CAST: variants seen among roughly 807,000 people sequenced by gnomAD.
The protein encoded by CAST is MIR583 host.
CAST carries 76 observed loss-of-function variants against 119.6 expected under a neutral mutation model. That is an observed-to-expected ratio of 0.64 (90% CI 0.53 to 0.77). The LOEUF (loss-of-function observed/expected upper bound fraction) is 0.77. Ranked by LOEUF, CAST falls within the 30% of genes least tolerant of loss-of-function variation. CAST has a pLI of 0.00. For synonymous variants in CAST, 319 were observed against 331.6 expected (o/e 0.96, Z 0.41); for missense variants, 953 against 946.5 (o/e 1.01, Z -0.09).
At chr5:96,400,948 G>T in the CAST span, among the ~76,000 whole-genome samples, 3 of 151,252 alleles carry the variant, frequency 2.0e-5, no homozygotes, top group Admixed American at 1.3e-4. Context: ...TTAGCCGGGC[G>T]CGGTGGCGGG....
chr5:96,484,426 C>T, the CAST span, among the ~76,000 whole-genome samples: 2 of 152,136 alleles, frequency 1.3e-5, no homozygotes, highest in South Asian at 4.1e-4. Flanking sequence ...CAAGTACAAA[C>T]TTTAATAATA....
intron 6 of CAST, chr5:96,728,791 T>C (rs1759845751): frequency 5.7e-6 from 1 of 175,174 alleles, no homozygotes; most frequent in Non-Finnish European, 1.2e-5. Context: ...ATATATTTTC[T>C]AGAGTGGGAT....
chr5:96,393,490 G>A, the CAST span: 37 of 1,268,300 alleles, frequency 2.9e-5, no homozygotes, highest in East Asian at 5.4e-4. Flanking sequence ...AGGCAATGAG[G>A]GGAGGGGAGA....
the CAST span, among the ~76,000 whole-genome samples, chr5:96,157,456 C>T: frequency 1.3e-5 from 2 of 152,166 alleles, no homozygotes; most frequent in East Asian, 1.9e-4. Flanking sequence ...TTTTAGAAAA[C>T]TCCTCAAAGA....
At chr5:95,964,179 T>C in the CAST span, among the ~76,000 whole-genome samples, 1 of 152,188 alleles carries the variant, frequency 6.6e-6, no homozygotes, top group Non-Finnish European at 1.5e-5. Context: ...AATATGGTAA[T>C]CTAGCAGTGT....
chr5:96,561,522 A>C (rs1211978257), intron 1 of CAST, among the ~76,000 whole-genome samples: 4 of 149,960 alleles, frequency 2.7e-5, no homozygotes, highest in African/African-American at 2.4e-5. Context: ...ATGAGAACAC[A>C]TGGACAAAGG....
chr5:96,569,612 G>C (rs1746537586), intron 1 of CAST, among the ~76,000 whole-genome samples: 1 of 152,048 alleles, frequency 6.6e-6, no homozygotes, highest in African/African-American at 2.4e-5. Flanking sequence ...GCGATTTCCT[G>C]GTTTGTGATT....
the CAST span, among the ~76,000 whole-genome samples, chr5:96,498,783 C>G: frequency 6.6e-6 from 1 of 152,158 alleles, no homozygotes; most frequent in Non-Finnish European, 1.5e-5. Context: ...CCTTTCATAG[C>G]CAGCCCCTCT....
chr5:96,770,372 A>G lies in CAST; in HGVS notation c.2269-159A>G, dbSNP rs1190694541. On this transcript the variant is annotated intron_variant, in intron 29 of 31. Coordinates refer to ENST00000675179, the MANE Select transcript of CAST (RefSeq NM_001750.7). ...CTCCTGCTTTAAACAATTCTCTGAC[A>G]CCGTTGTTCAAAAAAAATCATGAAA... is the stretch of plus-strand genomic sequence containing the variant. The G allele has an allele frequency of 5.2e-6, 3 of 582,378 alleles. No homozygotes were observed. The African/African-American group carries it at 5.6e-5, about 11-fold the overall frequency. 36.1% of individuals were successfully genotyped at this position (582,378 alleles called of 1,614,324 possible).
the CAST span, among the ~76,000 whole-genome samples, chr5:95,969,961 C>T: frequency 6.6e-6 from 1 of 152,282 alleles, no homozygotes; most frequent in South Asian, 2.1e-4. Context: ...CATGCCCACT[C>T]TAATGGCAAC....
chr5:96,601,398 C>A (rs934671838), intron 1 of CAST, among the ~76,000 whole-genome samples: 8 of 152,182 alleles, frequency 5.3e-5, no homozygotes, highest in Non-Finnish European at 7.3e-5. Context: ...GTGACCTTGG[C>A]AGAAAATAAA....
rs374113792 is a variant in CAST at position 96,730,817 on chromosome 5, G to T, written c.587G>T (p.Ser196Ile). ...GACATGATTTCTGCTGGTGGAGAGA[G>T]TGTTGCTGGTATCACTGCAATATCT... is the stretch of plus-strand genomic sequence containing the variant. ...PQDMISAGGE[S>I]VAGITAISGK... is the part of the protein sequence containing the mutation. The change falls in exon 9 of 32, where the codon AGT becomes ATT. Residue 196 changes from serine (S) to isoleucine (I), a missense_variant. Ser to Ile is a moderately radical substitution (Grantham distance 142, BLOSUM62 -2). Coordinates refer to ENST00000675179, the MANE Select transcript of CAST (RefSeq NM_001750.7). 39 of 1,614,098 alleles carry T rather than the reference G, an allele frequency of 2.4e-5. No individual in the cohort carries two copies. In the East Asian group the frequency reaches 2.7e-4, roughly 11 times the overall value.
intron 1 of CAST, among the ~76,000 whole-genome samples, chr5:96,558,213 G>C (rs1345651253): frequency 1.3e-5 from 2 of 152,104 alleles, no homozygotes; most frequent in African/African-American, 4.8e-5. Flanking sequence ...GCAATGTGTA[G>C]AGGGAAATTT....
the CAST span, among the ~76,000 whole-genome samples, chr5:96,291,380 T>A: frequency 6.6e-6 from 1 of 152,220 alleles, no homozygotes; most frequent in Non-Finnish European, 1.5e-5. Flanking sequence ...TACTTCCCCT[T>A]GTAATGTGTA....
intron 1 of CAST, among the ~76,000 whole-genome samples, chr5:96,573,829 A>G (rs1746616834): frequency 1.3e-5 from 2 of 152,154 alleles, no homozygotes; most frequent in South Asian, 4.1e-4. Context: ...ATGAGGGATG[A>G]TTTTTGCCTG....
chr5:96,295,255 A>C, the CAST span, among the ~76,000 whole-genome samples: 1 of 152,192 alleles, frequency 6.6e-6, no homozygotes, highest in South Asian at 2.1e-4. Context: ...GTAAAAATGA[A>C]CTACTGCTTT....
the CAST span, among the ~76,000 whole-genome samples, chr5:96,449,606 T>G: frequency 3.9e-5 from 6 of 152,272 alleles, no homozygotes; most frequent in African/African-American, 1.2e-4. Context: ...ATTGCTTTTT[T>G]CTTCTTAAAT....
upstream of CAST, among the ~76,000 whole-genome samples, chr5:96,658,333 A>AG (rs2150206176): frequency 6.6e-6 from 1 of 152,282 alleles, no homozygotes; most frequent in South Asian, 2.1e-4. Flanking sequence ...CAAACCAAAA[A>AG]GAAAAAAAAA....
chr5:96,725,410 G>A (rs1284944435), intron 4 of CAST, among the ~76,000 whole-genome samples: 1 of 152,194 alleles, frequency 6.6e-6, no homozygotes, highest in Non-Finnish European at 1.5e-5. Context: ...AGAGAGTGCA[G>A]TGCGATGACT....
Sources: allele counts gnomAD v4.1 joint callset (sites outside exome capture counted in the v4.1 genomes callset), GRCh38; gene constraint gnomAD v4.1.1; transcripts MANE v1.5; gene names NCBI Gene and HGNC (gene_info 2026-07-23, HGNC 2026-07-21).